The following TSHZ2 variants were observed in gnomAD, a reference collection of about 807,000 sequenced individuals.
TSHZ2 encodes the protein teashirt homolog 2.
Under a neutral mutation model 74.4 loss-of-function variants are expected in TSHZ2, and 21 were observed. The ratio of observed to expected loss-of-function variants is 0.28; its 90% CI spans 0.20 to 0.41. The LOEUF (loss-of-function observed/expected upper bound fraction) is 0.41, where lower values mean the gene tolerates loss of function less well. TSHZ2 is among the 10% of genes least tolerant of loss of function. The pLI, the probability that TSHZ2 is intolerant of heterozygous loss-of-function variation, is 1.00. For missense variants in TSHZ2, 1,244 were observed against 1,293.5 expected, an observed-to-expected ratio of 0.96 and a Z score of 0.59; for synonymous variants, 540 against 515.3, an observed-to-expected ratio of 1.05 and a Z score of -0.65.
chr20:52,985,394 A>G (rs2122892589), intron 1 of TSHZ2, among the ~76,000 whole-genome samples: 1 of 152,310 alleles, frequency 6.6e-6, no homozygotes, highest in Non-Finnish European at 1.5e-5. Context: ...GGTGAATGGT[A>G]CATACATGGT....
chr20:53,381,647 G>GCCC (rs754040011), intron 2 of TSHZ2, among the ~76,000 whole-genome samples: 4 of 152,124 alleles, frequency 2.6e-5, no homozygotes, highest in Non-Finnish European at 5.9e-5. Context: ...GGTCTCTTTG[G>GCCC]TAAATTCAGG....
At chr20:53,444,644 G>A (rs773221152) in intron 2 of TSHZ2, among the ~76,000 whole-genome samples, 2 of 152,174 alleles carry the variant, frequency 1.3e-5, no homozygotes. Flanking sequence ...CCTCAACTGT[G>A]CAAACCCGCT....
At chr20:53,469,605 A>G (rs1275814778) in intron 2 of TSHZ2, among the ~76,000 whole-genome samples, 3 of 85,426 alleles carry the variant, frequency 3.5e-5, no homozygotes, top group African/African-American at 5.6e-5. Context: ...AGGACCCAAG[A>G]AAGATAGATA....
intron 2 of TSHZ2, among the ~76,000 whole-genome samples, chr20:53,332,137 C>T (rs1979749881): frequency 1.3e-5 from 2 of 152,158 alleles, no homozygotes; most frequent in African/African-American, 4.8e-5. Flanking sequence ...ATGGCTACCA[C>T]ATGCCAGGCA....
chr20:53,474,154 G>C (rs563753202), intron 2 of TSHZ2, among the ~76,000 whole-genome samples: 2 of 149,204 alleles, frequency 1.3e-5, no homozygotes, highest in Admixed American at 1.3e-4. Flanking sequence ...GAAATGCAGA[G>C]AACGCCACAA....
At chr20:53,335,034 C>T (rs1225921138) in intron 2 of TSHZ2, among the ~76,000 whole-genome samples, 3 of 152,180 alleles carry the variant, frequency 2.0e-5, no homozygotes, top group Non-Finnish European at 2.9e-5. Context: ...TGAGTAGGCA[C>T]GAGTATTTGC....
chr20:53,475,063 A>T (rs1246998249), intron 2 of TSHZ2, among the ~76,000 whole-genome samples: 53 of 138,950 alleles, frequency 3.8e-4, no homozygotes, highest in Admixed American at 5.7e-4. Flanking sequence ...ATAATGGGAG[A>T]CTTTAACACC....
intron 2 of TSHZ2, among the ~76,000 whole-genome samples, chr20:53,313,949 T>C (rs1234004580): frequency 6.6e-6 from 1 of 152,164 alleles, no homozygotes; most frequent in African/African-American, 2.4e-5. Context: ...ACCTTATTTG[T>C]TTATTGGTTC....
chr20:53,201,157 C>T (rs1343159744), intron 1 of TSHZ2, among the ~76,000 whole-genome samples: 1 of 152,100 alleles, frequency 6.6e-6, no homozygotes, highest in African/African-American at 2.4e-5. Context: ...AGAGTAAACT[C>T]ATCTGACTTA....
At chr20:53,447,247 C>T (rs1011400374) in intron 2 of TSHZ2, among the ~76,000 whole-genome samples, 1 of 152,092 alleles carries the variant, frequency 6.6e-6, no homozygotes, top group Non-Finnish European at 1.5e-5. Context: ...AGAATTCCTC[C>T]ACGAATTCCT....
At chr20:53,324,572 C>A (rs1979416387) in intron 2 of TSHZ2, among the ~76,000 whole-genome samples, 1 of 152,052 alleles carries the variant, frequency 6.6e-6, no homozygotes, top group Non-Finnish European at 1.5e-5. Context: ...GATGGGGTTT[C>A]ACCGTGTTGC....
intron 1 of TSHZ2, among the ~76,000 whole-genome samples, chr20:53,122,203 G>A (rs1301687480): frequency 1.3e-5 from 2 of 150,830 alleles, no homozygotes; most frequent in Non-Finnish European, 2.9e-5. Context: ...TGGGAGGGTC[G>A]ATTGAGCCCA....
At chr20:53,021,568 T>C (rs1983248061) in intron 1 of TSHZ2, among the ~76,000 whole-genome samples, 1 of 152,208 alleles carries the variant, frequency 6.6e-6, no homozygotes, top group Admixed American at 6.5e-5. Flanking sequence ...GAAAAAGCAT[T>C]TCTTCCAATA....
chr20:53,441,821 A>G (rs1249463444), intron 2 of TSHZ2, among the ~76,000 whole-genome samples: 1 of 151,930 alleles, frequency 6.6e-6, no homozygotes, highest in Non-Finnish European at 1.5e-5. Flanking sequence ...ACCTCAAATG[A>G]TCCACCCGCC....
intron 1 of TSHZ2, among the ~76,000 whole-genome samples, chr20:53,055,443 A>C (rs1248257615): frequency 4.6e-5 from 7 of 152,342 alleles, no homozygotes; most frequent in African/African-American, 1.7e-4. Context: ...TCAGATACTT[A>C]TTAAGAGAAA....
chr20:52,997,266 G>GT (rs1015745814), intron 1 of TSHZ2, among the ~76,000 whole-genome samples: 4 of 150,892 alleles, frequency 2.7e-5, no homozygotes, highest in Non-Finnish European at 4.4e-5. Flanking sequence ...CCCCGGGGGG[G>GT]GGTTCAGCAC....
intron 1 of TSHZ2, among the ~76,000 whole-genome samples, chr20:53,223,935 C>T (rs909001066): frequency 4.0e-5 from 6 of 149,860 alleles, no homozygotes; most frequent in Non-Finnish European, 8.9e-5. Flanking sequence ...ACACACACCC[C>T]TAAGTTTAGG....
At chr20:53,046,688 T>C (rs1984240833) in intron 1 of TSHZ2, among the ~76,000 whole-genome samples, 1 of 150,962 alleles carries the variant, frequency 6.6e-6, no homozygotes, top group African/African-American at 2.4e-5. Context: ...AGCAGTAGAG[T>C]AGGTATAGGC....
At chr20:53,427,827 AG>A (rs1289162748) in intron 2 of TSHZ2, among the ~76,000 whole-genome samples, 1 of 152,152 alleles carries the variant, frequency 6.6e-6, no homozygotes, top group African/African-American at 2.4e-5. Flanking sequence ...AAGAACTTCA[AG>A]CATGTTAAGA....
Sources: allele counts gnomAD v4.1 joint callset (sites outside exome capture counted in the v4.1 genomes callset), GRCh38; gene constraint gnomAD v4.1.1; transcripts MANE v1.5; gene names NCBI Gene and HGNC (gene_info 2026-07-23, HGNC 2026-07-21).